CDH18: variants seen among roughly 807,000 people sequenced by gnomAD.
The protein encoded by CDH18 is cadherin 18.
In CDH18, 31 loss-of-function variants were observed where a neutral mutation model predicts 67.9. The ratio of observed to expected loss-of-function variants is 0.46; its 90% confidence interval spans 0.34 to 0.62. The LOEUF is 0.62. CDH18 is among the 20% of genes least tolerant of loss of function. The pLI is 0.01. For synonymous variants in CDH18, 362 were observed against 347.2 expected (o/e 1.04, Z -0.48); for missense variants, 890 against 975.5 (o/e 0.91, Z 1.17).
chr5:19,720,553 AT>A (rs550165128), intron 5 of CDH18, among the ~76,000 whole-genome samples: 1 of 152,120 alleles, frequency 6.6e-6, no homozygotes, highest in Non-Finnish European at 1.5e-5. Context: ...GGGACATGTG[AT>A]TTTTTTATGG....
At chr5:19,644,343 A>C (rs567407933) in intron 5 of CDH18, among the ~76,000 whole-genome samples, 3 of 152,148 alleles carry the variant, frequency 2.0e-5, no homozygotes, top group Non-Finnish European at 4.4e-5. Context: ...TGTCGCAAGA[A>C]GCATATAGAT....
At chr5:20,221,117 C>A (rs1335157179) in intron 2 of CDH18, among the ~76,000 whole-genome samples, 3 of 151,928 alleles carry the variant, frequency 2.0e-5, no homozygotes, top group African/African-American at 7.2e-5. Flanking sequence ...TAGATATATA[C>A]CCTAGAGAAA....
chr5:20,399,838 C>A (rs750156596), intron 1 of CDH18, among the ~76,000 whole-genome samples: 1 of 152,098 alleles, frequency 6.6e-6, no homozygotes, highest in Non-Finnish European at 1.5e-5. Context: ...TGGAAATCTG[C>A]CTCCAGAAAT....
At chr5:20,372,878 T>C (rs1743119331) in intron 1 of CDH18, among the ~76,000 whole-genome samples, 1 of 152,184 alleles carries the variant, frequency 6.6e-6, no homozygotes, top group South Asian at 2.1e-4. Context: ...AAATTAAATC[T>C]AGATTCTATC....
intron 9 of CDH18, among the ~76,000 whole-genome samples, chr5:19,541,260 T>A (rs1750225763): frequency 6.6e-6 from 1 of 151,616 alleles, no homozygotes; most frequent in South Asian, 2.1e-4. Context: ...GTCAAAGCCA[T>A]TCAACAAGTT....
rs544156444 is a variant in CDH18 at position 20,152,384 on chromosome 5, T to C, written c.-518+103060A>G. Among the ~76,000 whole-genome samples the C allele has an allele frequency of 3.3e-5, 5 of 151,344 alleles. No homozygotes were observed. The East Asian group carries it at 9.7e-4, about 29-fold the overall frequency. ...TGGCATTCCTTGAACCCATTTATTG[T>C]CTGTTATATTGCACATTTGTATACA... is the stretch of plus-strand genomic sequence containing the variant. On this transcript the variant is annotated intron_variant, in intron 2 of 14. Transcript: ENST00000507958.
chr5:20,437,535 T>A lies in CDH18; in HGVS notation c.-580+137927A>T, dbSNP rs76926843. Among the ~76,000 whole-genome samples the A allele has an allele frequency of 4.1e-4, 62 of 151,408 alleles. No individual in the cohort carries two copies. In the East Asian group the frequency reaches 0.011, roughly 27 times the overall value. On this transcript the variant is annotated intron_variant, in intron 1 of 14. Coordinates refer to the CDH18 transcript ENST00000507958. ...TAATTTCTTCCTGGTATTTTTTTTA[T>A]GAGTAGTCTCTTGGTTATAATGAAA...
At chr5:20,048,548 A>T (rs2150485679) in intron 2 of CDH18, among the ~76,000 whole-genome samples, 1 of 151,842 alleles carries the variant, frequency 6.6e-6, no homozygotes, top group South Asian at 2.1e-4. Flanking sequence ...CCAATGCAAA[A>T]TCAGTATCTC....
intron 4 of CDH18, among the ~76,000 whole-genome samples, chr5:19,726,785 T>G (rs999829723): frequency 1.3e-5 from 2 of 152,218 alleles, no homozygotes; most frequent in Admixed American, 1.3e-4. Flanking sequence ...AATGCTCATA[T>G]GCCCCTCAAA....
intron 1 of CDH18, among the ~76,000 whole-genome samples, chr5:20,516,210 G>A (rs934811219): frequency 1.3e-5 from 2 of 151,784 alleles, no homozygotes; most frequent in Admixed American, 6.6e-5. Context: ...GTAAAAAATA[G>A]AATTTGCTGT....
chr5:20,307,409 T>C (rs1736566529), intron 1 of CDH18, among the ~76,000 whole-genome samples: 1 of 152,190 alleles, frequency 6.6e-6, no homozygotes, highest in Non-Finnish European at 1.5e-5. Flanking sequence ...ACCTTAGATA[T>C]TTTGTCAACA....
At chr5:20,335,024 GTCTTC>G (rs1197012829) in intron 1 of CDH18, among the ~76,000 whole-genome samples, 4 of 148,578 alleles carry the variant, frequency 2.7e-5, no homozygotes, top group African/African-American at 9.7e-5. Context: ...GTCTTTTTGA[GTCTTC>G]TCTTTGGTTT....
chr5:20,208,809 C>T lies in CDH18; in HGVS notation c.-518+46635G>A, dbSNP rs116128865. 8.9e-3 allele frequency among the ~76,000 whole-genome samples: 1,351 copies of T among 151,990 alleles called. 23 individuals carry two copies. The highest frequency in any genetic ancestry group is 0.03 in the African/African-American group (1,230 of 41,524). On this transcript the variant is annotated intron_variant, in intron 2 of 14. Coordinates refer to the CDH18 transcript ENST00000507958. ...AACTCAGAAAATGGGAAAAAATATA[C>T]GCAAACTACTCATTTGACAAGGGAC...
chr5:19,854,511 T>A (rs1498100), intron 2 of CDH18, among the ~76,000 whole-genome samples: 44,251 of 151,990 alleles, frequency 0.29, 7,765 homozygotes, highest in South Asian at 0.39. Context: ...ATTTTTATAA[T>A]ATTTAATCAT....
intron 1 of CDH18, among the ~76,000 whole-genome samples, chr5:20,434,434 G>T (rs1749010482): frequency 6.6e-6 from 1 of 151,966 alleles, no homozygotes; most frequent in Non-Finnish European, 1.5e-5. Flanking sequence ...ACCTCAATAA[G>T]TAAATGAAAT....
chr5:20,321,722 G>C (rs1186631390), intron 1 of CDH18, among the ~76,000 whole-genome samples: 1 of 150,112 alleles, frequency 6.7e-6, no homozygotes, highest in Admixed American at 6.7e-5. Flanking sequence ...ATTTCCTTCA[G>C]ATATGTTATT....
intron 3 of CDH18, among the ~76,000 whole-genome samples, chr5:19,809,987 A>C (rs1335154205): frequency 6.6e-6 from 1 of 152,160 alleles, no homozygotes; most frequent in Non-Finnish European, 1.5e-5. Context: ...AAAACTTGAA[A>C]AAGACTGTTA....
chr5:20,138,998 G>A (rs1324101030), intron 2 of CDH18, among the ~76,000 whole-genome samples: 1 of 152,226 alleles, frequency 6.6e-6, no homozygotes, highest in South Asian at 2.1e-4. Context: ...AAAAGAACCT[G>A]CATTGCCAAG....
intron 1 of CDH18, among the ~76,000 whole-genome samples, chr5:20,265,542 C>T (rs1025882008): frequency 2.0e-5 from 3 of 151,358 alleles, no homozygotes; most frequent in Non-Finnish European, 4.4e-5. Context: ...TTATCGTAAG[C>T]TAAGAACATG....
Sources: gnomAD v4.1 joint callset for allele counts (sites outside exome capture counted in the v4.1 genomes callset) on GRCh38, gnomAD v4.1.1 for gene constraint, MANE v1.5 for transcripts, NCBI Gene and HGNC (gene_info 2026-07-23, HGNC 2026-07-21) for gene names.